WDR45B: variants seen among roughly 807,000 people sequenced by gnomAD.
The protein encoded by WDR45B is WD repeat domain phosphoinositide-interacting protein 3.
In WDR45B, 20 loss-of-function variants were observed where a neutral mutation model predicts 44.6. That is an observed-to-expected ratio of 0.45 (90% CI 0.32 to 0.65). WDR45B has a LOEUF of 0.65. WDR45B is among the 30% of genes least tolerant of loss of function. WDR45B has a pLI of 0.05. For missense variants in WDR45B, 323 were observed against 430.2 expected, an observed-to-expected ratio of 0.75 and a Z score of 2.20; for synonymous variants, 169 against 164.9, an observed-to-expected ratio of 1.02 and a Z score of -0.19.
chr17:82,622,595 G>A (rs922410785), intron 5 of WDR45B, among the ~76,000 whole-genome samples: 1 of 152,056 alleles, frequency 6.6e-6, no homozygotes, highest in African/African-American at 2.4e-5. Context: ...ACCATGTCCA[G>A]CTAATTTTTT....
At position 82,646,995 on chromosome 17, in the gene WDR45B, G is replaced by A. The variant is rs540103965; in HGVS notation, c.67+1279C>T. Reference sequence around the variant, plus strand: ...GCCTGTAATCCCAGCACTTTGGGAGGCCGAGGCGGGTGGATCACCTGAGGT... The same window carrying A: ...GCCTGTAATCCCAGCACTTTGGGAGACCGAGGCGGGTGGATCACCTGAGGT... On this transcript the variant is annotated intron_variant, in intron 1 of 9. Coordinates refer to ENST00000392325, the MANE Select transcript of WDR45B (RefSeq NM_019613.4). 4.2e-4 allele frequency among the ~76,000 whole-genome samples: 64 copies of A among 152,268 alleles called. No homozygotes were observed. In the South Asian group the frequency reaches 0.012, roughly 30 times the overall value.
chr17:82,643,877 C>A (rs1247195555), intron 2 of WDR45B, 72 bp downstream of exon 2: 3 of 1,402,904 alleles, frequency 2.1e-6, no homozygotes, highest in African/African-American at 4.7e-5. Flanking sequence ...CCCTGCTCCA[C>A]CTGCAAGGTT....
rs1179584320 is a variant in WDR45B at position 82,615,878 on chromosome 17, AAGGCGGC to A, written c.*34_*40del. On this transcript the variant is annotated 3_prime_UTR_variant, in exon 10 of 10. Coordinates refer to ENST00000392325, the MANE Select transcript of WDR45B (RefSeq NM_019613.4). ...CACTGGCACCAGCCCCGAGAGTCTG[AAGGCGGC>A]AGGTGGTGGGTGCTGTGGCGCCCCC... 1 of 1,584,932 alleles carries A rather than the reference AAGGCGGC, an allele frequency of 6.3e-7. No homozygotes were observed. Among genetic ancestry groups the A allele is most frequent in the Admixed American group, 1.7e-5 (1 of 59,882 alleles).
rs776824143 is a variant in WDR45B at position 82,621,693 on chromosome 17, G to A, written c.534C>T (p.Pro178=). The change falls in exon 6 of 10, where the codon CCC becomes CCT. Residue 178 remains proline (P), a synonymous_variant. Transcript: ENST00000392325. ...CACCCTCGTGTGCAGGAATGTCCACGGGTGGCTTCTCCGTGCTGGCCAGGT... is the reference window on the plus strand; with the variant it reads ...CACCCTCGTGTGCAGGAATGTCCACAGGTGGCTTCTCCGTGCTGGCCAGGT... ...LVDLASTEKP[P]VDIPAHEGVL... is the part of the protein sequence containing the mutation. 3.5e-5 allele frequency: 57 copies of A among 1,614,176 alleles called. No homozygotes were observed. The highest frequency in any genetic ancestry group is 5.0e-5 in the Admixed American group (3 of 60,020).
intron 3 of WDR45B, among the ~76,000 whole-genome samples, chr17:82,630,510 G>A (rs541061518): frequency 6.6e-6 from 1 of 152,154 alleles, no homozygotes; most frequent in African/African-American, 2.4e-5. Flanking sequence ...CTCCCACTCC[G>A]ACAAACATAT....
At position 82,621,725 on chromosome 17, in the gene WDR45B, G is replaced by A. The variant is rs2045620523; in HGVS notation, c.502C>T (p.Leu168Phe). Reference protein sequence around the residue: ...FPGTHTGHVQLVDLASTEKPP... With the variant: ...FPGTHTGHVQFVDLASTEKPP... ...TTCTCCGTGCTGGCCAGGTCCACAA[G>A]CTGCACATGGCCCGTGTGCGTGCCC... The change falls in exon 6 of 10, where the codon CTT becomes TTT. Residue 168 changes from leucine (L) to phenylalanine (F), a missense_variant. Coordinates refer to ENST00000392325, the MANE Select transcript of WDR45B (RefSeq NM_019613.4). The A allele has an allele frequency of 6.2e-7, 1 of 1,614,086 alleles. No homozygotes were observed. The highest frequency in any genetic ancestry group is 1.3e-5 in the African/African-American group (1 of 74,944).
At chr17:82,627,003 G>A (rs988239843) in intron 4 of WDR45B, 60 of 612,712 alleles carry the variant, frequency 9.8e-5, no homozygotes, top group Middle Eastern at 4.4e-4. Flanking sequence ...TACCTCCAGC[G>A]GAGCCCTGGA....
Position 82,627,206 on chromosome 17 carries a change from A to C in WDR45B, c.330T>G (p.Asp110Glu). ...AAAATTACTGACACCAAACCCACCT[A>C]TCTCGCCGCAGCTTGACTGCCTTGA... The part of the protein sequence containing the change: ...TEVKAVKLRR[D>E]RIVVVLDSMI... Residue 110 changes from aspartate to glutamate, a missense_variant and splice_region_variant, in exon 4 of 10, where the codon GAT becomes GAG. Coordinates refer to ENST00000392325, the MANE Select transcript of WDR45B (RefSeq NM_019613.4). 6.2e-7 allele frequency: 1 copy of C among 1,612,732 alleles called. No homozygotes were observed. Among genetic ancestry groups the C allele is most frequent in the Non-Finnish European group, 8.5e-7 (1 of 1,179,368 alleles).
chr17:82,623,131 C>T (rs1208857662), intron 5 of WDR45B, among the ~76,000 whole-genome samples: 1 of 152,196 alleles, frequency 6.6e-6, no homozygotes, highest in Non-Finnish European at 1.5e-5. Context: ...GTGGCTCACG[C>T]CTGTAATCCC....
intron 2 of WDR45B, among the ~76,000 whole-genome samples, chr17:82,641,419 T>C (rs147826802): frequency 6.6e-6 from 1 of 152,272 alleles, no homozygotes; most frequent in African/African-American, 2.4e-5. Context: ...CTTGTTACAA[T>C]CTTTTGTTAT....
chr17:82,629,907 C>T (rs969924189), intron 3 of WDR45B: 11 of 985,200 alleles, frequency 1.1e-5, no homozygotes, highest in Admixed American at 6.2e-5. Flanking sequence ...CCCCCAGAGC[C>T]CCATCCTGGT....
chr17:82,642,854 C>T (rs994599081), intron 2 of WDR45B, among the ~76,000 whole-genome samples: 14 of 152,310 alleles, frequency 9.2e-5, no homozygotes, highest in Non-Finnish European at 8.8e-5. Context: ...TGGACACCAA[C>T]GTCTACAACT....
chr17:82,622,433 AATTTTTT>A (rs1011716016), intron 5 of WDR45B, among the ~76,000 whole-genome samples: 62 of 152,184 alleles, frequency 4.1e-4, no homozygotes, highest in African/African-American at 1.5e-3. Flanking sequence ...GAACAGCCCA[AATTTTTT>A]ATTTTTTTGA....
intron 4 of WDR45B, 92 bp downstream of exon 4, chr17:82,627,112 T>C: frequency 1.9e-6 from 2 of 1,056,676 alleles, no homozygotes; most frequent in South Asian, 2.5e-5. Flanking sequence ...CATCATTTCC[T>C]AAACATTTTT....
chr17:82,617,445 G>A, intron 7 of WDR45B, 48 bp from the exon 8 acceptor site: 1 of 1,582,354 alleles, frequency 6.3e-7, no homozygotes, highest in South Asian at 1.1e-5. Flanking sequence ...ATGTGGAGGA[G>A]TCCAGAGACT....
chr17:82,617,833 G>C (rs1184092176), intron 7 of WDR45B, among the ~76,000 whole-genome samples: 1 of 152,192 alleles, frequency 6.6e-6, no homozygotes, highest in Non-Finnish European at 1.5e-5. Flanking sequence ...GCCGTGTGCT[G>C]TCTGTTCTAG....
intron 1 of WDR45B, among the ~76,000 whole-genome samples, chr17:82,646,305 C>G (rs1395496105): frequency 6.6e-6 from 1 of 151,042 alleles, no homozygotes; most frequent in Non-Finnish European, 1.5e-5. Flanking sequence ...AGACTCAACA[C>G]GGAGAAACCC....
At chr17:82,621,563 G>C in intron 6 of WDR45B, 46 bp downstream of exon 6, 1 of 1,611,272 alleles carries the variant, frequency 6.2e-7, no homozygotes, top group Non-Finnish European at 8.5e-7. Context: ...TGCTGAGCCT[G>C]CTGCTCCAGG....
intron 8 of WDR45B, 28 bp from the exon 9 acceptor site, chr17:82,616,673 T>G (rs1361467791): frequency 6.2e-7 from 1 of 1,614,000 alleles, no homozygotes; most frequent in Non-Finnish European, 8.5e-7. Flanking sequence ...GAAAGGGTGG[T>G]TCAAAGTTTA....
Sources: gnomAD v4.1 joint callset for allele counts (sites outside exome capture counted in the v4.1 genomes callset) on GRCh38, gnomAD v4.1.1 for gene constraint, MANE v1.5 for transcripts, NCBI Gene and HGNC (gene_info 2026-07-23, HGNC 2026-07-21) for gene names.